RAB3C: variants seen among roughly 807,000 people sequenced by gnomAD.
RAB3C encodes the protein ras-related protein Rab-3C.
A neutral mutation model predicts 26.4 loss-of-function variants in RAB3C; 17 were observed. The ratio of observed to expected loss-of-function variants is 0.64; its 90% CI spans 0.44 to 0.97. RAB3C has a LOEUF of 0.97. Among genes scored for constraint, RAB3C ranks in the 50% least tolerant of loss-of-function variants. The probability of loss-of-function intolerance (pLI) is 0.00; values close to 1 mark genes in which losing one functional copy is unlikely to be tolerated. For synonymous variants in RAB3C, 91 were observed against 95.9 expected, an observed-to-expected ratio of 0.95 and a Z score of 0.30; for missense variants, 242 against 281.9, an observed-to-expected ratio of 0.86 and a Z score of 1.01.
intron 2 of RAB3C, among the ~76,000 whole-genome samples, chr5:58,641,219 T>G (rs867569610): frequency 2.6e-5 from 4 of 152,262 alleles, no homozygotes; most frequent in Middle Eastern, 3.4e-3. Context: ...CTGTACTCAG[T>G]AGTCAATAGA....
At chr5:58,582,389 G>C, upstream of RAB3C, 1 of 985,346 alleles carries the variant, frequency 1.0e-6, no homozygotes, top group Non-Finnish European at 1.2e-6. Context: ...TCTGAACCTC[G>C]AGTTGTAATG....
Position 58,774,813 on chromosome 5 carries a change from A to T in RAB3C, c.371+48693A>T, listed in dbSNP as rs1007238885. ...ATGTGAACGTCCTGTGTCAGGGCAG[A>T]GTGTCCTTAGCACAAATCAAGAAGC... is the stretch of plus-strand genomic sequence containing the variant. On this transcript the variant is annotated intron_variant, in intron 3 of 4. Transcript: ENST00000282878. Among the ~76,000 whole-genome samples the T allele has an allele frequency of 7.2e-5, 11 of 152,166 alleles. 1 individual carries two copies. Among genetic ancestry groups the T allele is most frequent in the Non-Finnish European group, 1.3e-4 (9 of 68,022 alleles).
At chr5:58,716,739 T>C (rs1284496611) in intron 2 of RAB3C, among the ~76,000 whole-genome samples, 1 of 151,162 alleles carries the variant, frequency 6.6e-6, no homozygotes, top group African/African-American at 2.4e-5. Flanking sequence ...CAGTCACCTG[T>C]ACCCATCCCC....
chr5:58,829,963 C>T lies in RAB3C; in HGVS notation c.496+4801C>T, dbSNP rs143938017. ...CATAAAACGTGTATCTTCCCTCTCACGGAGCTTAAAGTGTGGACTGTGTTT... is the reference window on the plus strand; with the variant it reads ...CATAAAACGTGTATCTTCCCTCTCATGGAGCTTAAAGTGTGGACTGTGTTT... On this transcript the variant is annotated intron_variant, in intron 4 of 4. Transcript: ENST00000282878. Among the ~76,000 whole-genome samples, 327 of 152,216 alleles carry T rather than the reference C, an allele frequency of 2.1e-3. 3 individuals carry two copies. Among genetic ancestry groups the T allele is most frequent in the African/African-American group, 5.7e-3 (237 of 41,510 alleles).
At chr5:58,768,937 T>C (rs1741966644) in intron 3 of RAB3C, among the ~76,000 whole-genome samples, 1 of 152,140 alleles carries the variant, frequency 6.6e-6, no homozygotes, top group East Asian at 1.9e-4. Context: ...AAAGAAAAGC[T>C]GGAAACCAAC....
intron 3 of RAB3C, chr5:58,823,514 A>G (rs1288394547): frequency 6.5e-6 from 1 of 153,434 alleles, no homozygotes; most frequent in Non-Finnish European, 1.5e-5. Flanking sequence ...ACAGAGCGAG[A>G]CCTTATCTCA....
intron 3 of RAB3C, among the ~76,000 whole-genome samples, chr5:58,745,006 C>T (rs1169440629): frequency 6.6e-6 from 1 of 152,136 alleles, no homozygotes; most frequent in Non-Finnish European, 1.5e-5. Flanking sequence ...TGGCCTATCT[C>T]TCAGTCCTTG....
chr5:58,591,371 T>G (rs1366296902), intron 1 of RAB3C, among the ~76,000 whole-genome samples: 6 of 152,106 alleles, frequency 3.9e-5, no homozygotes, highest in Non-Finnish European at 8.8e-5. Flanking sequence ...TTTGCCTACT[T>G]ATCCTTTTAG....
chr5:58,625,740 C>T (rs1435706979), intron 2 of RAB3C, among the ~76,000 whole-genome samples: 1 of 151,810 alleles, frequency 6.6e-6, no homozygotes, highest in Non-Finnish European at 1.5e-5. Context: ...GCCTGTAATC[C>T]CAGCTACTTA....
At chr5:58,769,067 G>A (rs1741970560) in intron 3 of RAB3C, among the ~76,000 whole-genome samples, 1 of 152,004 alleles carries the variant, frequency 6.6e-6, no homozygotes, top group African/African-American at 2.4e-5. Context: ...AAACTGGGCA[G>A]GGTTTGATGA....
At chr5:58,741,557 A>T (rs1325763393) in intron 3 of RAB3C, 1 of 152,226 alleles carries the variant, frequency 6.6e-6, no homozygotes, top group Non-Finnish European at 1.5e-5. Context: ...ACCTCTCAAG[A>T]ACCAGAAACA....
intron 2 of RAB3C, among the ~76,000 whole-genome samples, chr5:58,676,232 C>T (rs1041428303): frequency 2.0e-5 from 3 of 151,972 alleles, no homozygotes; most frequent in Admixed American, 6.6e-5. Context: ...GGTCGAGCGG[C>T]GTGGCTCACA....
intron 2 of RAB3C, among the ~76,000 whole-genome samples, chr5:58,632,782 T>C (rs1747212050): frequency 6.6e-6 from 1 of 152,200 alleles, no homozygotes; most frequent in Non-Finnish European, 1.5e-5. Flanking sequence ...CTTCTTTCCC[T>C]ACCAGCCTAT....
intron 2 of RAB3C, among the ~76,000 whole-genome samples, chr5:58,622,916 G>T (rs1286872464): frequency 6.6e-6 from 1 of 152,142 alleles, no homozygotes; most frequent in African/African-American, 2.4e-5. Flanking sequence ...GAGGCCAAGT[G>T]ATTTGTCAGA....
chr5:58,614,842 A>G (rs925503847), intron 1 of RAB3C, among the ~76,000 whole-genome samples: 1 of 152,170 alleles, frequency 6.6e-6, no homozygotes, highest in Non-Finnish European at 1.5e-5. Flanking sequence ...AAAAAATTTC[A>G]TGTGTACTGA....
intron 1 of RAB3C, among the ~76,000 whole-genome samples, chr5:58,591,058 C>T (rs554067972): frequency 3.2e-4 from 49 of 152,226 alleles, no homozygotes; most frequent in Non-Finnish European, 5.9e-4. Flanking sequence ...GGTATTTTTA[C>T]AGATATTTTA....
chr5:58,614,754 A>G (rs1457076340), intron 1 of RAB3C, among the ~76,000 whole-genome samples: 1 of 152,122 alleles, frequency 6.6e-6, no homozygotes, highest in East Asian at 1.9e-4. Flanking sequence ...TATATTAGTG[A>G]TATCTATATA....
chr5:58,638,185 A>G (rs116685197), intron 2 of RAB3C, among the ~76,000 whole-genome samples: 5,027 of 151,906 alleles, frequency 0.033, 144 homozygotes, highest in Non-Finnish European at 0.047. Context: ...ATTTCTTTGA[A>G]CCCTGCAATG....
At chr5:58,720,804 C>T (rs957571975) in intron 2 of RAB3C, among the ~76,000 whole-genome samples, 2 of 151,678 alleles carry the variant, frequency 1.3e-5, no homozygotes, top group South Asian at 2.1e-4. Context: ...GTATTTTGAT[C>T]GTGGTTATAT....
Sources: allele counts gnomAD v4.1 joint callset (sites outside exome capture counted in the v4.1 genomes callset), GRCh38; gene constraint gnomAD v4.1.1; transcripts MANE v1.5; gene names NCBI Gene and HGNC (gene_info 2026-07-23, HGNC 2026-07-21).